The following OCRL variants were observed in gnomAD, a reference collection of about 807,000 sequenced individuals.
The protein encoded by OCRL is OCRL inositol polyphosphate-5-phosphatase, also known as inositol polyphosphate 5-phosphatase OCRL.
In OCRL, 8 loss-of-function variants were observed where a neutral mutation model predicts 78.9. The observed-to-expected ratio is 0.10, with a 90% CI of 0.06 to 0.18. The LOEUF is 0.18. Ranked by LOEUF, OCRL falls within the 10% of genes least tolerant of loss-of-function variation. OCRL has a pLI of 1.00. For synonymous variants in OCRL, 240 were observed against 235.4 expected (o/e 1.02, Z -0.18); for missense variants, 454 against 696.7 (o/e 0.65, Z 3.92).
chrX:129,569,840 C>CCT (rs1936273856), intron 15 of OCRL, among the ~76,000 whole-genome samples: 1 of 83,831 alleles, frequency 1.2e-5, no homozygotes, highest in African/African-American at 4.2e-5. Flanking sequence ...CTTATTTTTT[C>CCT]TTTTTTTTTT....
intron 15 of OCRL, among the ~76,000 whole-genome samples, 170 bp downstream of exon 15, chrX:129,569,569 G>A (rs1000932738): frequency 1.3e-4 from 14 of 111,858 alleles, no homozygotes; most frequent in South Asian, 3.7e-4. Context: ...AATGCTGTCC[G>A]TATAGCTCTT....
intron 18 of OCRL, among the ~76,000 whole-genome samples, chrX:129,583,707 C>G (rs1041899729): frequency 9.0e-6 from 1 of 111,360 alleles, no homozygotes; most frequent in African/African-American, 3.3e-5. Context: ...TATCCCCTGC[C>G]TCTCTTTTTT....
chrX:129,561,243 T>C lies in OCRL; in HGVS notation c.889T>C (p.Trp297Arg). ...CTTTGAATCTGTGAAGGAACAAGAA[T>C]GGTCCATGGCTGTAGAGAGAGGTTT... is the stretch of plus-strand genomic sequence containing the variant. ...FYFESVKEQE[W>R]SMAVERGLHS... The change falls in exon 10 of 24, where the codon TGG (tryptophan) becomes CGG (arginine). Residue 297 changes from tryptophan (W) to arginine (R), a missense_variant. Around this residue, in one of 2 missense-constraint regions of OCRL, gnomAD observed 277 missense variants for 517.1 expected, o/e 0.54. Transcript: ENST00000371113. The C allele has an allele frequency of 8.3e-7, 1 of 1,208,653 alleles. No individual in the cohort carries two copies. Among genetic ancestry groups the C allele is most frequent in the Non-Finnish European group, 1.1e-6 (1 of 892,580 alleles).
At chrX:129,585,433 G>A (rs1246853087) in intron 19 of OCRL, among the ~76,000 whole-genome samples, 1 of 112,223 alleles carries the variant, frequency 8.9e-6, no homozygotes, top group Admixed American at 9.4e-5. Context: ...TTTTTAAAAA[G>A]TACATGAATC....
At chrX:129,559,856 G>T (rs1192198168) in intron 8 of OCRL, among the ~76,000 whole-genome samples, 1 of 111,046 alleles carries the variant, frequency 9.0e-6, no homozygotes, top group South Asian at 3.8e-4. Context: ...GGCATGTATC[G>T]CCAATGCATG....
At position 129,574,531 on chromosome X, in the gene OCRL, A is replaced by G. The variant is rs751117843; in HGVS notation, c.1603-609A>G. Among the ~76,000 whole-genome samples the G allele has an allele frequency of 2.7e-5, 3 of 112,146 alleles. No individual in the cohort carries two copies. The South Asian group carries it at 1.1e-3, about 42-fold the overall frequency. On this transcript the variant is annotated intron_variant, in intron 15 of 23. Coordinates refer to ENST00000371113, the MANE Select transcript of OCRL (RefSeq NM_000276.4). ...TATTAATATATCTCTGCTATTATGT[A>G]ATCTGAGCAGTGATATTATACTTCT...
Position 129,540,798 on chromosome X carries a change from C to G in OCRL, c.94C>G (p.Leu32Val). 8.3e-7 allele frequency: 1 copy of G among 1,209,209 alleles called. No individual in the cohort carries two copies. Among genetic ancestry groups the G allele is most frequent in the Admixed American group, 2.2e-5 (1 of 46,111 alleles). ...GPLREPCALT[L>V]AQRNGQYELI... ...TCTCCGGGAGCCCTGCGCCCTGACC[C>G]TAGCCCAGAGGAACGGGCAATATGA... The change falls in exon 2 of 24, where the codon CTA (leucine) becomes GTA (valine). Residue 32 changes from leucine to valine, a missense_variant. By Grantham distance (32) the Leu-to-Val change is conservative. Around this residue, in one of 2 missense-constraint regions of OCRL, gnomAD observed 177 missense variants for 179.6 expected, o/e 0.99. Coordinates refer to ENST00000371113, the MANE Select transcript of OCRL (RefSeq NM_000276.4).
At chrX:129,556,587 A>G (rs1293436447) in intron 4 of OCRL, among the ~76,000 whole-genome samples, 1 of 112,280 alleles carries the variant, frequency 8.9e-6, no homozygotes, top group African/African-American at 3.2e-5. Context: ...GTTGATATAG[A>G]TGATAACTAT....
At chrX:129,543,997 G>A (rs1183073576) in intron 2 of OCRL, among the ~76,000 whole-genome samples, 1 of 110,961 alleles carries the variant, frequency 9.0e-6, no homozygotes, top group Non-Finnish European at 1.9e-5. Context: ...TCTATTAGAG[G>A]GGCAAACAAA....
chrX:129,540,293 C>G lies in OCRL; in HGVS notation c.-147C>G, dbSNP rs776077768. The G allele has an allele frequency of 2.7e-4, 172 of 634,400 alleles. No individual in the cohort carries two copies. In the African/African-American group the frequency reaches 3.0e-3, roughly 11 times the overall value. The allele number at this position is 634,400 out of a possible 1,213,427, so 52.3% of individuals were successfully genotyped here. A position where few individuals can be genotyped will look rare whatever the true frequency, so the allele number is the denominator to read the frequency against. On this transcript the variant is annotated 5_prime_UTR_variant, in exon 1 of 24. Transcript: ENST00000371113. ...GTCAGATTCTCAGCTCCCAGCTCCCCGCTCCCGGCTCCCGGCGCCCGGCGC... is the reference window on the plus strand; with the variant it reads ...GTCAGATTCTCAGCTCCCAGCTCCCGGCTCCCGGCTCCCGGCGCCCGGCGC...
rs754667025 is a variant in OCRL, at chrX:129,590,379, G to A, written c.*109G>A. ...GGAAGGGTCTATTGCAGAATTTCAAGTTCTGTTTATAGTAAAAAGGAAGAG... is the reference window on the plus strand; with the variant it reads ...GGAAGGGTCTATTGCAGAATTTCAAATTCTGTTTATAGTAAAAAGGAAGAG... On this transcript the variant is annotated 3_prime_UTR_variant, in exon 24 of 24. Coordinates refer to ENST00000371113, the MANE Select transcript of OCRL (RefSeq NM_000276.4). The A allele has an allele frequency of 3.8e-5, 38 of 988,947 alleles. No homozygotes were observed. Among genetic ancestry groups the A allele is most frequent in the Admixed American group, 1.6e-4 (7 of 45,016 alleles). The allele number at this position is 988,947 out of a possible 1,213,427, so 81.5% of individuals were successfully genotyped here.
intron 19 of OCRL, 120 bp downstream of exon 19, chrX:129,584,487 C>T: frequency 3.1e-6 from 2 of 638,110 alleles, no homozygotes; most frequent in Non-Finnish European, 5.3e-6. Flanking sequence ...GGTGAGACTC[C>T]CCTAAAGTCC....
chrX:129,555,634 T>G (rs1315271371), intron 4 of OCRL, among the ~76,000 whole-genome samples: 1 of 111,247 alleles, frequency 9.0e-6, no homozygotes, highest in Non-Finnish European at 1.9e-5. Flanking sequence ...ACAAGAAGAG[T>G]AGAAGGTTGA....
In OCRL at chrX:129,540,406, G is replaced by T; in HGVS notation, c.-34G>T. 8.7e-7 allele frequency: 1 copy of T among 1,153,490 alleles called. No individual in the cohort carries two copies. On this transcript the variant is annotated 5_prime_UTR_variant, in exon 1 of 24. Coordinates refer to ENST00000371113, the MANE Select transcript of OCRL (RefSeq NM_000276.4). ...GCCAGTGTCGTCGGATCGGCCCGCAGTCCGCTGTCCTGCTGAGCCCGGAGG... is the reference window on the plus strand; with the variant it reads ...GCCAGTGTCGTCGGATCGGCCCGCATTCCGCTGTCCTGCTGAGCCCGGAGG...
chrX:129,575,268 A>T lies in OCRL; in HGVS notation c.1713+18A>T. 9.8e-7 allele frequency: 1 copy of T among 1,018,058 alleles called. No homozygotes were observed. The highest frequency in any genetic ancestry group is 1.9e-5 in the South Asian group (1 of 52,506). 83.9% of individuals were successfully genotyped at this position (1,018,058 alleles called of 1,213,427 possible). A position where few individuals can be genotyped will look rare whatever the true frequency, so the allele number is the denominator to read the frequency against. On this transcript the variant is annotated intron_variant, in intron 16 of 23. Coordinates refer to ENST00000371113, the MANE Select transcript of OCRL (RefSeq NM_000276.4). ...GGAGGGAGGTGAGCAAAAATACATGATCTCCCTGTCTACTGCTCACTGTGG... is the reference window on the plus strand; with the variant it reads ...GGAGGGAGGTGAGCAAAAATACATGTTCTCCCTGTCTACTGCTCACTGTGG...
chrX:129,557,076 A>T (rs916022391), intron 4 of OCRL, among the ~76,000 whole-genome samples: 2 of 111,153 alleles, frequency 1.8e-5, no homozygotes, highest in African/African-American at 6.5e-5. Context: ...ATATCCTTAG[A>T]TCGGGCTGCT....
chrX:129,569,488 G>A, intron 15 of OCRL, 89 bp downstream of exon 15: 2 of 997,224 alleles, frequency 2.0e-6, no homozygotes, highest in Admixed American at 2.2e-5. Flanking sequence ...CAGTAATTCA[G>A]CAAGCCATAA....
intron 18 of OCRL, among the ~76,000 whole-genome samples, chrX:129,577,082 G>A (rs1263392935): frequency 9.0e-6 from 1 of 111,363 alleles, no homozygotes; most frequent in African/African-American, 3.3e-5. Context: ...ATTTATGGAA[G>A]CATAGAACTA....
chrX:129,555,733 C>T (rs1344135768), intron 4 of OCRL, among the ~76,000 whole-genome samples: 1 of 111,665 alleles, frequency 9.0e-6, no homozygotes, highest in South Asian at 3.7e-4. Flanking sequence ...ATCTTCTGGC[C>T]CATTAAATAG....
Sources: gnomAD v4.1 joint callset for allele counts (sites outside exome capture counted in the v4.1 genomes callset) on GRCh38, gnomAD v4.1.1 for gene constraint, gnomAD v4.1.1 regional missense constraint, MANE v1.5 for transcripts, NCBI Gene and HGNC (gene_info 2026-07-23, HGNC 2026-07-21) for gene names.